The following TPGS1 variants were observed in gnomAD, a reference collection of about 807,000 sequenced individuals.
TPGS1 encodes the protein gene trap ROSA b-geo 22.
Under a neutral mutation model 11.9 loss-of-function variants are expected in TPGS1, and 18 were observed. The observed-to-expected ratio is 1.51, with a 90% CI of 1.04 to 2.24. The LOEUF (loss-of-function observed/expected upper bound fraction) is 2.24, where lower values mean the gene tolerates loss of function less well. Among genes scored for constraint, TPGS1 ranks in the 30% most tolerant of loss-of-function variants. TPGS1 has a pLI of 0.00. For synonymous variants in TPGS1, 247 were observed against 218.2 expected (o/e 1.13, Z -1.16); for missense variants, 500 against 443.0 (o/e 1.13, Z -1.16).
intron 1 of TPGS1, among the ~76,000 whole-genome samples, chr19:510,670 C>A (rs1051246850): frequency 3.3e-5 from 5 of 152,236 alleles, no homozygotes; most frequent in Non-Finnish European, 5.9e-5. Flanking sequence ...GGCCACACGG[C>A]CACCGAGGGC....
At chr19:508,367 G>A (rs1360507354) in intron 1 of TPGS1, 1 of 152,736 alleles carries the variant, frequency 6.5e-6, no homozygotes, top group African/African-American at 2.4e-5. Flanking sequence ...GGGTTGCAGG[G>A]AAGAGGCCCA....
At chr19:511,898 G>T (rs1013586078) in intron 1 of TPGS1, among the ~76,000 whole-genome samples, 9 of 152,054 alleles carry the variant, frequency 5.9e-5, no homozygotes, top group African/African-American at 2.2e-4. Context: ...TTGAGATGGA[G>T]TCTGGTTCTG....
At chr19:515,352 G>A (rs906852736) in intron 1 of TPGS1, among the ~76,000 whole-genome samples, 3 of 148,526 alleles carry the variant, frequency 2.0e-5, no homozygotes, top group Non-Finnish European at 4.4e-5. Flanking sequence ...TGTGAGCCCT[G>A]ATTGTACCAC....
At position 507,677 on chromosome 19, in the gene TPGS1, G is replaced by C; in HGVS notation, c.171G>C (p.Glu57Asp). The C allele has an allele frequency of 7.2e-7, 1 of 1,382,226 alleles. No individual in the cohort carries two copies. Among genetic ancestry groups the C allele is most frequent in the Middle Eastern group, 1.9e-4 (1 of 5,280 alleles). 85.6% of individuals were successfully genotyped at this position (1,382,226 alleles called of 1,614,324 possible). ...GTGCGGCCCTGCTGAAGGTGCTGGA[G>C]GCGCGGCCCGAGGAGCCGATCGCCT... ...MLRAALLKVLEARPEEPIAFL... is the reference protein window; with the variant it reads ...MLRAALLKVLDARPEEPIAFL... The change falls in exon 1 of 2, where the codon GAG (glutamate) becomes GAC (aspartate). Residue 57 changes from glutamate (E) to aspartate (D), a missense_variant. Physicochemically the swap from Glu to Asp is conservative, Grantham distance 45. Coordinates refer to ENST00000359315, the MANE Select transcript of TPGS1 (RefSeq NM_033513.3).
chr19:516,680 G>T (rs1214755641), intron 1 of TPGS1, among the ~76,000 whole-genome samples: 1 of 152,186 alleles, frequency 6.6e-6, no homozygotes, highest in Non-Finnish European at 1.5e-5. Flanking sequence ...ACCGTGCCTG[G>T]CCAACATTTC....
chr19:513,029 A>G (rs1342972278), intron 1 of TPGS1, among the ~76,000 whole-genome samples: 4 of 152,216 alleles, frequency 2.6e-5, no homozygotes, highest in Non-Finnish European at 5.9e-5. Context: ...ACCCCAAGCC[A>G]GAGCCTCGCA....
intron 1 of TPGS1, among the ~76,000 whole-genome samples, chr19:514,637 GC>G (rs947317955): frequency 1.3e-5 from 2 of 152,240 alleles, no homozygotes; most frequent in Admixed American, 6.5e-5. Context: ...AGGGAAGGCT[GC>G]CCTCCTCACC....
At chr19:510,555 C>T (rs11670679) in intron 1 of TPGS1, among the ~76,000 whole-genome samples, 2,296 of 152,200 alleles carry the variant, frequency 0.015, 39 homozygotes, top group Middle Eastern at 0.031. Context: ...AAGCTCCGGC[C>T]GCCAGGGCTG....
Position 511,526 on chromosome 19 carries a change from C to T in TPGS1, c.338+3682C>T, listed in dbSNP as rs182442286. 2.1e-3 allele frequency among the ~76,000 whole-genome samples: 322 copies of T among 152,376 alleles called. 1 individual carries two copies. Among genetic ancestry groups the T allele is most frequent in the African/African-American group, 7.2e-3 (301 of 41,590 alleles). ...GCACCTGGCTCCAGCCCCGTTCTCCCGTCCTCACAAGAACCCCCACTCCGT... is the reference window on the plus strand; with the variant it reads ...GCACCTGGCTCCAGCCCCGTTCTCCTGTCCTCACAAGAACCCCCACTCCGT... On this transcript the variant is annotated intron_variant, in intron 1 of 1. Coordinates refer to ENST00000359315, the MANE Select transcript of TPGS1 (RefSeq NM_033513.3).
intron 1 of TPGS1, 115 bp downstream of exon 1, chr19:507,959 T>G (rs1600396822): frequency 2.4e-6 from 2 of 837,076 alleles, no homozygotes; most frequent in Admixed American, 8.6e-5. Flanking sequence ...TTGCTGGGAG[T>G]TGTAGTGCGC....
intron 1 of TPGS1, among the ~76,000 whole-genome samples, chr19:514,938 G>C (rs866524112): frequency 1.8e-4 from 27 of 152,314 alleles, no homozygotes; most frequent in Middle Eastern, 3.4e-3. Context: ...ACCAGCACAC[G>C]AGTGGCACGT....
rs563506590 is a variant in TPGS1, at chr19:511,702, G to C, written c.338+3858G>C. ...AGCTGGACCAGGGCTGCCGCCCCCA[G>C]AGAGGAGAGCATTTATGCAGAAGTG... On this transcript the variant is annotated intron_variant, in intron 1 of 1. Transcript: ENST00000359315. Among the ~76,000 whole-genome samples, 3 of 152,386 alleles carry C rather than the reference G, an allele frequency of 2.0e-5. No individual in the cohort carries two copies. The East Asian group carries it at 5.8e-4, about 29-fold the overall frequency.
intron 1 of TPGS1, among the ~76,000 whole-genome samples, chr19:516,584 C>T (rs1405912079): frequency 6.6e-6 from 1 of 152,164 alleles, no homozygotes; most frequent in African/African-American, 2.4e-5. Flanking sequence ...GGGGTTTCAC[C>T]ATGTTGGCCA....
intron 1 of TPGS1, chr19:508,160 T>G (rs1978682577): frequency 3.7e-6 from 1 of 268,746 alleles, no homozygotes; most frequent in Non-Finnish European, 7.0e-6. Context: ...CAAGAGGACT[T>G]GGCCCGAGGT....
In TPGS1 at chr19:518,916, G is replaced by A; in HGVS notation, c.366G>A (p.Val122=). Residue 122 remains valine, a synonymous_variant, in exon 2 of 2, where the codon GTG becomes GTA. Transcript: ENST00000359315. ...QRAAFNNNVS[V]AYECLSAGGR... ...CCGCCTTCAACAACAACGTGAGCGT[G>A]GCCTACGAGTGCCTGAGCGCCGGCG... The A allele has an allele frequency of 5.1e-6, 8 of 1,565,298 alleles. No individual in the cohort carries two copies. The highest frequency in any genetic ancestry group is 6.9e-6 in the Non-Finnish European group (8 of 1,163,124).
intron 1 of TPGS1, among the ~76,000 whole-genome samples, chr19:515,200 A>G (rs1237679174): frequency 6.6e-6 from 1 of 152,182 alleles, no homozygotes; most frequent in Non-Finnish European, 1.5e-5. Flanking sequence ...TTTGACCCTC[A>G]GGCTGACTGT....
chr19:513,498 C>T (rs1978860230), intron 1 of TPGS1, among the ~76,000 whole-genome samples: 1 of 152,134 alleles, frequency 6.6e-6, no homozygotes, highest in Non-Finnish European at 1.5e-5. Context: ...GCAGTGATGA[C>T]CAGGGAGGCA....
At position 507,551 on chromosome 19, in the gene TPGS1, C is replaced by T. The variant is rs775821006; in HGVS notation, c.45C>T (p.Ala15=). The T allele has an allele frequency of 1.2e-5, 17 of 1,417,700 alleles. No individual in the cohort carries two copies. Among genetic ancestry groups the T allele is most frequent in the Non-Finnish European group, 1.6e-5 (17 of 1,081,402 alleles). 87.8% of individuals were successfully genotyped at this position (1,417,700 alleles called of 1,614,324 possible). Residue 15 remains alanine (A), a synonymous_variant, in exon 1 of 2, where the codon GCC becomes GCT. Coordinates refer to ENST00000359315, the MANE Select transcript of TPGS1 (RefSeq NM_033513.3). Reference sequence around the variant, plus strand: ...GGCGGCAAGCGGTACCACCGCCGGCCGGTTTCACGGACAGCGGCCGCCAGT... The same window carrying T: ...GGCGGCAAGCGGTACCACCGCCGGCTGGTTTCACGGACAGCGGCCGCCAGT... ...EKRRQAVPPP[A]GFTDSGRQSV...
chr19:509,488 C>G (rs1978722907), intron 1 of TPGS1: 1 of 152,450 alleles, frequency 6.6e-6, no homozygotes, highest in Admixed American at 6.5e-5. Context: ...TTCTGGAGGG[C>G]AGAAGTCTGA....
Sources: gnomAD v4.1 joint callset for allele counts (sites outside exome capture counted in the v4.1 genomes callset) on GRCh38, gnomAD v4.1.1 for gene constraint, MANE v1.5 for transcripts, NCBI Gene and HGNC (gene_info 2026-07-23, HGNC 2026-07-21) for gene names.